Variants in TCF12 observed in about 807,000 individuals in gnomAD.
The protein encoded by TCF12 is DNA-binding protein HTF4.
Under a neutral mutation model 86.0 loss-of-function variants are expected in TCF12, and 45 were observed. The ratio of observed to expected loss-of-function variants is 0.52; its 90% CI spans 0.41 to 0.67. The LOEUF (loss-of-function observed/expected upper bound fraction) is 0.67, where lower values mean the gene tolerates loss of function less well. TCF12 is among the 30% of genes least tolerant of loss of function. The pLI is 0.00. For missense variants in TCF12, 881 were observed against 859.9 expected (o/e 1.02, Z -0.31); for synonymous variants, 330 against 299.6 (o/e 1.10, Z -1.05).
intron 5 of TCF12, among the ~76,000 whole-genome samples, chr15:57,101,516 T>G (rs149278615): frequency 6.6e-6 from 1 of 152,304 alleles, no homozygotes; most frequent in East Asian, 1.9e-4. Context: ...GGCCCCTGAT[T>G]TTAGGTTTCT....
At chr15:57,000,040 T>A (rs538280026) in intron 3 of TCF12, among the ~76,000 whole-genome samples, 2 of 151,760 alleles carry the variant, frequency 1.3e-5, no homozygotes, top group East Asian at 3.9e-4. Context: ...CTTTCTCATT[T>A]TTCTCTTGTT....
chr15:57,230,073 T>C (rs1413778302), intron 8 of TCF12, among the ~76,000 whole-genome samples: 1 of 151,906 alleles, frequency 6.6e-6, no homozygotes, highest in East Asian at 1.9e-4. Flanking sequence ...CAATTCGAAG[T>C]CCAAAGAGGT....
intron 3 of TCF12, among the ~76,000 whole-genome samples, chr15:56,924,173 A>T (rs1158663832): frequency 1.3e-5 from 2 of 152,118 alleles, no homozygotes; most frequent in African/African-American, 4.8e-5. Context: ...AACTATACAG[A>T]GATTCTATAT....
At chr15:56,957,658 G>A (rs1160200375) in intron 3 of TCF12, among the ~76,000 whole-genome samples, 8 of 152,118 alleles carry the variant, frequency 5.3e-5, no homozygotes, top group African/African-American at 1.9e-4. Flanking sequence ...TAACATCTCT[G>A]TCAGTTCTGC....
intron 5 of TCF12, among the ~76,000 whole-genome samples, chr15:57,109,642 C>T (rs559943862): frequency 6.6e-6 from 1 of 152,076 alleles, no homozygotes; most frequent in East Asian, 1.9e-4. Flanking sequence ...CCTATTGTTG[C>T]GTATAGTATT....
intron 3 of TCF12, among the ~76,000 whole-genome samples, chr15:56,925,681 G>A (rs1307802426): frequency 6.6e-6 from 1 of 152,166 alleles, no homozygotes; most frequent in African/African-American, 2.4e-5. Context: ...TATTAGAAAG[G>A]CTCTCCTGAA....
chr15:57,228,718 A>G (rs1228872765), intron 8 of TCF12, among the ~76,000 whole-genome samples: 4 of 151,826 alleles, frequency 2.6e-5, no homozygotes, highest in Non-Finnish European at 5.9e-5. Flanking sequence ...TCCTTCTGTA[A>G]TTGTAACCAT....
intron 8 of TCF12, among the ~76,000 whole-genome samples, chr15:57,211,142 A>G (rs1363423972): frequency 2.0e-5 from 3 of 152,258 alleles, no homozygotes. Flanking sequence ...TAACTTGCAC[A>G]TTATTGAGAA....
intron 4 of TCF12, chr15:57,072,826 T>G: frequency 1.4e-6 from 1 of 699,950 alleles, no homozygotes; most frequent in Non-Finnish European, 1.9e-6. Flanking sequence ...AGAAAAAGGG[T>G]GTGTTTTAAA....
intron 8 of TCF12, among the ~76,000 whole-genome samples, chr15:57,205,540 GTA>G (rs1406850061): frequency 5.3e-5 from 8 of 152,156 alleles, no homozygotes; most frequent in African/African-American, 1.9e-4. Flanking sequence ...GTTAGATGAG[GTA>G]TCTCTATTTG....
chr15:57,119,848 T>A (rs2051106433), intron 5 of TCF12, among the ~76,000 whole-genome samples: 1 of 152,146 alleles, frequency 6.6e-6, no homozygotes, highest in Non-Finnish European at 1.5e-5. Context: ...AATCAGTTGT[T>A]TACATTACTA....
chr15:56,919,390 G>A (rs1367067357), intron 1 of TCF12: 1 of 152,422 alleles, frequency 6.6e-6, no homozygotes, highest in Admixed American at 6.5e-5. Flanking sequence ...GGGACGTCCG[G>A]GCGGCGGCGG....
intron 3 of TCF12, among the ~76,000 whole-genome samples, chr15:56,988,125 A>C (rs2063282093): frequency 1.3e-5 from 2 of 152,230 alleles, no homozygotes; most frequent in African/African-American, 4.8e-5. Context: ...TGTACCTTTT[A>C]GCAGAAATAC....
At chr15:57,280,202 TA>T (rs1369681780) in intron 19 of TCF12, among the ~76,000 whole-genome samples, 2 of 147,450 alleles carry the variant, frequency 1.4e-5, no homozygotes, top group African/African-American at 2.4e-5. Context: ...CAGTCTCTTA[TA>T]AAAAACAAAC....
At chr15:56,968,980 A>G (rs1197778187) in intron 3 of TCF12, among the ~76,000 whole-genome samples, 1 of 152,140 alleles carries the variant, frequency 6.6e-6, no homozygotes, top group Non-Finnish European at 1.5e-5. Flanking sequence ...CACTGAATAG[A>G]CACTTTAGTC....
intron 8 of TCF12, among the ~76,000 whole-genome samples, chr15:57,201,005 A>G (rs1011435797): frequency 1.3e-5 from 2 of 152,188 alleles, no homozygotes; most frequent in Admixed American, 1.3e-4. Flanking sequence ...AAATTGCTAC[A>G]TACTTACGGT....
chr15:57,048,609 A>G (rs948155604), intron 3 of TCF12, among the ~76,000 whole-genome samples: 1 of 152,102 alleles, frequency 6.6e-6, no homozygotes, highest in Non-Finnish European at 1.5e-5. Flanking sequence ...CTTACTTTGT[A>G]TCTTGCAAAA....
intron 4 of TCF12, among the ~76,000 whole-genome samples, chr15:57,077,325 ATATGTGTGTGTGTGTGTGTG>A (rs1471612923): frequency 0.046 from 5,829 of 127,156 alleles, 658 homozygotes; most frequent in Admixed American, 0.19. Context: ...ATATGTATAT[ATATGTGTGTGTGTGTGTGTG>A]TGTGTGTGTG....
At chr15:57,286,084 G>A (rs2061923074) in intron 20 of TCF12, 73 bp from the exon 21 acceptor site, 1 of 152,600 alleles carries the variant, frequency 6.6e-6, no homozygotes, top group African/African-American at 2.4e-5. Context: ...TTGGTGGGAG[G>A]GGGAAGGTGT....
Sources: gnomAD v4.1 joint callset for allele counts (sites outside exome capture counted in the v4.1 genomes callset) on GRCh38, gnomAD v4.1.1 for gene constraint, MANE v1.5 for transcripts, NCBI Gene and HGNC (gene_info 2026-07-23, HGNC 2026-07-21) for gene names.